SLC29A1: variants seen among roughly 807,000 people sequenced by gnomAD.
The protein encoded by SLC29A1 is solute carrier family 29 member 1 (Augustine blood group).
Under a neutral mutation model 48.3 loss-of-function variants are expected in SLC29A1, and 22 were observed. The ratio of observed to expected loss-of-function variants is 0.46; its 90% CI spans 0.33 to 0.65. SLC29A1 has a LOEUF of 0.65. SLC29A1 is among the 30% of genes least tolerant of loss of function. The probability of loss-of-function intolerance (pLI) is 0.03; values close to 1 mark genes in which losing one functional copy is unlikely to be tolerated. For missense variants in SLC29A1, 491 were observed against 575.3 expected, an observed-to-expected ratio of 0.85 and a Z score of 1.50; for synonymous variants, 228 against 231.0, an observed-to-expected ratio of 0.99 and a Z score of 0.12.
upstream of SLC29A1, among the ~76,000 whole-genome samples, chr6:44,222,611 G>A (rs1776576079): frequency 2.0e-5 from 3 of 152,044 alleles, no homozygotes; most frequent in South Asian, 6.2e-4. Flanking sequence ...TGCTGGAAGG[G>A]CAGGGAGTGC....
chr6:44,232,776 C>G lies in SLC29A1; in HGVS notation c.1060-31C>G. 6.3e-7 allele frequency: 1 copy of G among 1,599,870 alleles called. No homozygotes were observed. Among genetic ancestry groups the G allele is most frequent in the Non-Finnish European group, 8.5e-7 (1 of 1,176,552 alleles). ...GCCTGGCTGTGCCCTGGGGTGGCGG[C>G]CTGGGCTGAGGCCCTGCCTGGTGCC... On this transcript the variant is annotated intron_variant, in intron 11 of 12. Transcript: ENST00000371755. This position sits in a 1 kb window ranked among gnomAD's most constrained non-coding sequence, Gnocchi z 4.7.
chr6:44,222,465 G>C (rs1446515621), upstream of SLC29A1, among the ~76,000 whole-genome samples: 1 of 152,132 alleles, frequency 6.6e-6, no homozygotes, highest in East Asian at 1.9e-4. Flanking sequence ...GTGAGGTACT[G>C]CCAGTTGTTA....
chr6:44,227,245 T>A lies in SLC29A1; in HGVS notation c.-51-18T>A. 7 of 1,609,466 alleles carry A rather than the reference T, an allele frequency of 4.3e-6. No individual in the cohort carries two copies. The highest frequency in any genetic ancestry group is 5.9e-6 in the Non-Finnish European group (7 of 1,177,234). On this transcript the variant is annotated intron_variant, in intron 1 of 12. Transcript: ENST00000371755. ...GCAGGGCCAAGACAGGGCCTCACACTGTTCCTGCCCCCAGCAGGCCCCTGA... is the reference window on the plus strand; with the variant it reads ...GCAGGGCCAAGACAGGGCCTCACACAGTTCCTGCCCCCAGCAGGCCCCTGA...
At chr6:44,233,317 C>T (rs914961900) in intron 12 of SLC29A1, 100 bp from the exon 13 acceptor site, 20 of 1,003,270 alleles carry the variant, frequency 2.0e-5, no homozygotes, top group South Asian at 8.1e-5. Flanking sequence ...GAATGAGGTT[C>T]GACAGTCAAG....
At chr6:44,233,357 G>A in intron 12 of SLC29A1, 60 bp from the exon 13 acceptor site, 1 of 1,398,608 alleles carries the variant, frequency 7.1e-7, no homozygotes, top group Non-Finnish European at 1.0e-6. Context: ...CTTCCACCCA[G>A]AGGCTCTGGG....
chr6:44,225,087 G>A (rs559936290), intron 1 of SLC29A1, among the ~76,000 whole-genome samples: 3 of 152,212 alleles, frequency 2.0e-5, no homozygotes, highest in African/African-American at 7.2e-5. Flanking sequence ...CCCACCCTAG[G>A]CCCCCATCTG....
chr6:44,223,988 G>T lies in SLC29A1; in HGVS notation c.-52+347G>T, dbSNP rs1357901624. ...TCAGGGAGGGGCCGTGCCGCTGACT[G>T]CGCTGGCGGAGGGGTATGGGGATGG... On this transcript the variant is annotated intron_variant, in intron 1 of 12. Coordinates refer to ENST00000371755, the MANE Select transcript of SLC29A1 (RefSeq NM_001372327.1). This position sits in a 1 kb window ranked among gnomAD's most constrained non-coding sequence, Gnocchi z 5.0. 1 of 978,638 alleles carries T rather than the reference G, an allele frequency of 1.0e-6. No homozygotes were observed. Among genetic ancestry groups the T allele is most frequent in the Non-Finnish European group, 1.2e-6 (1 of 823,852 alleles). 60.6% of individuals were successfully genotyped at this position (978,638 alleles called of 1,614,324 possible).
upstream of SLC29A1, chr6:44,221,653 G>A (rs1295570366): frequency 7.8e-7 from 1 of 1,289,698 alleles, no homozygotes. The surrounding 1 kb of genome is among the most constrained non-coding windows in gnomAD (Gnocchi z 4.2). Flanking sequence ...GAGCTGGCAA[G>A]GCCTGGCTAG....
At chr6:44,230,226 G>C (rs1263733644) in intron 5 of SLC29A1, 121 bp from the exon 6 acceptor site, 12 of 1,506,006 alleles carry the variant, frequency 8.0e-6, no homozygotes. Flanking sequence ...GGGGCAGAGA[G>C]AAGGGCAGCT....
chr6:44,232,621 A>C lies in SLC29A1; in HGVS notation c.1060-186A>C. ...TATGTATATACACATACCTGCCCAG[A>C]TCGAGATGTAGAATATTTCCAGCAC... On this transcript the variant is annotated intron_variant, in intron 11 of 12. Coordinates refer to ENST00000371755, the MANE Select transcript of SLC29A1 (RefSeq NM_001372327.1). The surrounding 1 kb of genome is among the most constrained non-coding windows in gnomAD (Gnocchi z 4.7). 1.5e-6 allele frequency: 1 copy of C among 648,280 alleles called. No individual in the cohort carries two copies. Among genetic ancestry groups the C allele is most frequent in the Middle Eastern group, 4.2e-4 (1 of 2,386 alleles). 40.2% of individuals were successfully genotyped at this position (648,280 alleles called of 1,614,324 possible).
intron 9 of SLC29A1, 84 bp from the exon 10 acceptor site, chr6:44,231,914 A>T: frequency 9.8e-7 from 1 of 1,025,116 alleles, no homozygotes. Flanking sequence ...GTGAGCCACC[A>T]CGCCTGGCCT....
At position 44,227,341 on chromosome 6, in the gene SLC29A1, A is replaced by G. The variant is rs756255819; in HGVS notation, c.28A>G (p.Arg10Gly). ...GACAACCAGTCACCAGCCTCAGGAC[A>G]GGTAAGGGGTAAGGGGCTGGGCTGT... The part of the protein sequence containing the change: MTTSHQPQD[R>G]YKAVWLIFFM... Residue 10 changes from arginine (R) to glycine (G), a missense_variant and splice_region_variant, in exon 2 of 13, where the codon AGA (arginine) becomes GGA (glycine). Coordinates refer to ENST00000371755, the MANE Select transcript of SLC29A1 (RefSeq NM_001372327.1). 6.2e-7 allele frequency: 1 copy of G among 1,613,416 alleles called. No individual in the cohort carries two copies. Among genetic ancestry groups the G allele is most frequent in the Non-Finnish European group, 8.5e-7 (1 of 1,179,362 alleles).
chr6:44,226,926 C>A (rs1777670887), intron 1 of SLC29A1: 2 of 1,079,000 alleles, frequency 1.9e-6, no homozygotes, highest in Non-Finnish European at 2.3e-6. Context: ...TCCCTCCCTC[C>A]CATCATCTTT....
At position 44,232,717 on chromosome 6, in the gene SLC29A1, C is replaced by A; in HGVS notation, c.1060-90C>A. ...AGAACCAGGCTTTGAGGTTTCAGTT[C>A]AGATCCTGAGGGGCCCCAGATGGAT... is the stretch of plus-strand genomic sequence containing the variant. On this transcript the variant is annotated intron_variant, in intron 11 of 12. Transcript: ENST00000371755. This position sits in a 1 kb window ranked among gnomAD's most constrained non-coding sequence, Gnocchi z 4.7. The A allele has an allele frequency of 1.6e-6, 2 of 1,265,416 alleles. No homozygotes were observed. The highest frequency in any genetic ancestry group is 1.2e-5 in the South Asian group (1 of 80,612). 78.4% of individuals were successfully genotyped at this position (1,265,416 alleles called of 1,614,324 possible).
intron 12 of SLC29A1, 53 bp from the exon 13 acceptor site, chr6:44,233,359 GGCTCT>G: frequency 7.1e-7 from 1 of 1,411,932 alleles, no homozygotes; most frequent in Non-Finnish European, 1.0e-6. Context: ...TCCACCCAGA[GGCTCT>G]GGGCTGGGGT....
intron 5 of SLC29A1, 36 bp downstream of exon 5, chr6:44,230,082 C>T: frequency 6.2e-7 from 1 of 1,600,368 alleles, no homozygotes; most frequent in African/African-American, 1.3e-5. Flanking sequence ...TGGGAGGAGG[C>T]ATGCCCAACT....
chr6:44,230,534 T>A, intron 6 of SLC29A1, 34 bp from the exon 7 acceptor site: 3 of 1,613,886 alleles, frequency 1.9e-6, no homozygotes, highest in Admixed American at 1.7e-5. Context: ...GGAGAGGGGA[T>A]GGGGCCTGTC....
chr6:44,227,401 T>C (rs1469408997), intron 2 of SLC29A1, 59 bp downstream of exon 2: 1 of 1,452,154 alleles, frequency 6.9e-7, no homozygotes, highest in Non-Finnish European at 9.6e-7. Flanking sequence ...GAGCTGGGTG[T>C]GGTGTCCTTT....
intron 2 of SLC29A1, 133 bp downstream of exon 2, chr6:44,227,475 CA>C: frequency 2.6e-6 from 2 of 773,148 alleles, no homozygotes; most frequent in East Asian, 2.7e-5. Context: ...AGGTCTGCAT[CA>C]GGGGTGGGGA....
Sources: allele counts gnomAD v4.1 joint callset (sites outside exome capture counted in the v4.1 genomes callset), GRCh38; gene constraint gnomAD v4.1.1; non-coding constraint Gnocchi (gnomAD v3.1); transcripts MANE v1.5; gene names NCBI Gene and HGNC (gene_info 2026-07-23, HGNC 2026-07-21).